FHIT: variants seen among roughly 807,000 people sequenced by gnomAD.
The protein encoded by FHIT is fragile histidine triad diadenosine triphosphatase.
In FHIT, 19 loss-of-function variants were observed where a neutral mutation model predicts 17.9. That is an observed-to-expected ratio of 1.06 (90% confidence interval 0.74 to 1.56). The LOEUF is 1.56. FHIT is among the 40% of genes most tolerant of loss of function. FHIT has a pLI of 0.00. For synonymous variants in FHIT, 81 were observed against 69.7 expected, an observed-to-expected ratio of 1.16 and a Z score of -0.81; for missense variants, 248 against 189.2, an observed-to-expected ratio of 1.31 and a Z score of -1.82.
chr3:60,137,321 C>T (rs1436309932), intron 5 of FHIT, among the ~76,000 whole-genome samples: 2 of 152,148 alleles, frequency 1.3e-5, no homozygotes, highest in Admixed American at 6.6e-5. Flanking sequence ...GAAGGGGAGG[C>T]GGGGTGAGAG....
intron 3 of FHIT, among the ~76,000 whole-genome samples, chr3:60,966,031 C>G (rs926911004): frequency 1.1e-4 from 17 of 152,140 alleles, no homozygotes. Flanking sequence ...TGCCCTGACC[C>G]TAGAGGTGGA....
chr3:60,348,654 CA>C (rs1192284610), intron 5 of FHIT, among the ~76,000 whole-genome samples: 5 of 152,166 alleles, frequency 3.3e-5, no homozygotes, highest in Non-Finnish European at 7.3e-5. Context: ...TGGCAGAGAG[CA>C]AAAATGGCCC....
intron 2 of FHIT, among the ~76,000 whole-genome samples, chr3:61,127,760 C>T (rs2036651633): frequency 6.6e-6 from 1 of 151,854 alleles, no homozygotes; most frequent in Non-Finnish European, 1.5e-5. Flanking sequence ...ATCCCAGATA[C>T]TCAGGAGGCT....
chr3:59,758,463 G>A (rs1485951798), intron 8 of FHIT, among the ~76,000 whole-genome samples: 2 of 152,268 alleles, frequency 1.3e-5, no homozygotes, highest in African/African-American at 4.8e-5. Flanking sequence ...ATGGTCTCCG[G>A]CCCTACAAAT....
intron 5 of FHIT, among the ~76,000 whole-genome samples, chr3:60,467,108 C>T (rs2032840260): frequency 1.3e-5 from 2 of 151,838 alleles, no homozygotes; most frequent in Admixed American, 6.6e-5. Flanking sequence ...TTGTGTGTGT[C>T]TAGAAACATA....
chr3:60,243,315 C>G (rs868351181), intron 5 of FHIT, among the ~76,000 whole-genome samples: 1 of 152,080 alleles, frequency 6.6e-6, no homozygotes, highest in Non-Finnish European at 1.5e-5. Context: ...GATCCCCACA[C>G]TCATAAAGCT....
intron 7 of FHIT, among the ~76,000 whole-genome samples, chr3:60,007,820 G>A (rs1699982886): frequency 6.6e-6 from 1 of 152,004 alleles, no homozygotes; most frequent in Non-Finnish European, 1.5e-5. Context: ...TGTGAGTAGA[G>A]GGCAGAACTC....
At chr3:60,704,559 C>T (rs982914283) in intron 4 of FHIT, among the ~76,000 whole-genome samples, 1 of 152,062 alleles carries the variant, frequency 6.6e-6, no homozygotes, top group Non-Finnish European at 1.5e-5. Context: ...AATGACATTT[C>T]AAGGGGTTAT....
intron 5 of FHIT, among the ~76,000 whole-genome samples, chr3:60,041,594 T>C (rs1701441776): frequency 6.6e-6 from 1 of 152,158 alleles, no homozygotes; most frequent in African/African-American, 2.4e-5. Context: ...GGCATCTCAA[T>C]TAGTCTATGG....
intron 5 of FHIT, among the ~76,000 whole-genome samples, chr3:60,030,402 G>A (rs1450678383): frequency 6.6e-6 from 1 of 152,072 alleles, no homozygotes; most frequent in Non-Finnish European, 1.5e-5. Context: ...AAAAACAGAG[G>A]CCACTTATTT....
At chr3:60,406,022 T>A (rs1701843295) in intron 5 of FHIT, among the ~76,000 whole-genome samples, 2 of 152,176 alleles carry the variant, frequency 1.3e-5, no homozygotes, top group South Asian at 4.1e-4. Flanking sequence ...ACATAACTGC[T>A]CAATTATTAT....
intron 5 of FHIT, among the ~76,000 whole-genome samples, chr3:60,228,933 G>A (rs1326602804): frequency 6.6e-6 from 1 of 152,160 alleles, no homozygotes; most frequent in African/African-American, 2.4e-5. Flanking sequence ...AGAAACATCA[G>A]TAAAGGGCAA....
intron 5 of FHIT, among the ~76,000 whole-genome samples, chr3:60,441,794 A>ATGTGTG (rs369962868): frequency 1.5e-4 from 7 of 47,064 alleles, no homozygotes; most frequent in Middle Eastern, 0.011. Context: ...ATATATATAT[A>ATGTGTG]TATATATATA....
chr3:59,908,814 C>T (rs1704706493), intron 8 of FHIT, among the ~76,000 whole-genome samples: 1 of 42,726 alleles, frequency 2.3e-5, no homozygotes, highest in South Asian at 8.0e-4. Context: ...GCCAGAAATT[C>T]AACTGAACTT....
intron 5 of FHIT, among the ~76,000 whole-genome samples, chr3:60,279,320 CTACCA>C (rs1707315983): frequency 6.6e-6 from 1 of 152,194 alleles, no homozygotes; most frequent in South Asian, 2.1e-4. Flanking sequence ...AAGAAACAAA[CTACCA>C]AAACTCACAA....
At chr3:60,963,764 G>A (rs973779235) in intron 3 of FHIT, among the ~76,000 whole-genome samples, 2 of 152,162 alleles carry the variant, frequency 1.3e-5, no homozygotes, top group African/African-American at 2.4e-5. Context: ...TTAATCCTCA[G>A]TTCTTGTTTG....
At chr3:59,771,961 C>G (rs1428303728) in intron 8 of FHIT, among the ~76,000 whole-genome samples, 1 of 152,138 alleles carries the variant, frequency 6.6e-6, no homozygotes, top group Non-Finnish European at 1.5e-5. Flanking sequence ...CCATGAGTCA[C>G]AGCTTTAAAG....
At chr3:61,019,414 G>A (rs934619917) in intron 3 of FHIT, among the ~76,000 whole-genome samples, 1 of 152,296 alleles carries the variant, frequency 6.6e-6, no homozygotes, top group African/African-American at 2.4e-5. Context: ...CAACAGGTGG[G>A]AGTAAGGAAG....
chr3:60,266,164 T>C (rs1277165468), intron 5 of FHIT, among the ~76,000 whole-genome samples: 2 of 152,096 alleles, frequency 1.3e-5, no homozygotes, highest in East Asian at 1.9e-4. Flanking sequence ...TTTCCATTGA[T>C]GGATGAAAAG....
Sources: allele counts gnomAD v4.1 joint callset (sites outside exome capture counted in the v4.1 genomes callset), GRCh38; gene constraint gnomAD v4.1.1; transcripts MANE v1.5; gene names NCBI Gene and HGNC (gene_info 2026-07-23, HGNC 2026-07-21).